The following SGIP1 variants were observed in gnomAD, a reference collection of about 807,000 sequenced individuals.
SGIP1 encodes SH3-containing GRB2-like protein 3-interacting protein 1.
In SGIP1, 38 loss-of-function variants were observed where a neutral mutation model predicts 107.5. That is an observed-to-expected ratio of 0.35 (90% CI 0.27 to 0.46). The LOEUF is 0.46. Among genes scored for constraint, SGIP1 ranks in the 20% least tolerant of loss-of-function variants. The pLI, the probability that SGIP1 is intolerant of heterozygous loss-of-function variation, is 1.00. For synonymous variants in SGIP1, 365 were observed against 366.1 expected (o/e 1.00, Z 0.03); for missense variants, 929 against 1,019.5 (o/e 0.91, Z 1.21).
chr1:66,587,685 T>C (rs2062849873), intron 1 of SGIP1, among the ~76,000 whole-genome samples: 1 of 152,126 alleles, frequency 6.6e-6, no homozygotes, highest in Non-Finnish European at 1.5e-5. Context: ...TAGTTGACAT[T>C]ACCTTAACAA....
chr1:66,710,990 G>A (rs1383146134), intron 18 of SGIP1, among the ~76,000 whole-genome samples: 2 of 152,094 alleles, frequency 1.3e-5, no homozygotes, highest in African/African-American at 4.8e-5. Context: ...ATCTTGGGTG[G>A]TGTGTAAAGC....
At chr1:66,543,245 T>C (rs1037506365) in intron 1 of SGIP1, among the ~76,000 whole-genome samples, 1 of 152,170 alleles carries the variant, frequency 6.6e-6, no homozygotes, top group African/African-American at 2.4e-5. Flanking sequence ...CCACACGTTT[T>C]ATCAAAAAGC....
chr1:66,575,383 G>C (rs947989756), intron 1 of SGIP1, among the ~76,000 whole-genome samples: 1 of 152,094 alleles, frequency 6.6e-6, no homozygotes, highest in African/African-American at 2.4e-5. Flanking sequence ...TTGGCCTTAT[G>C]TTTAGATCCA....
Position 66,750,829 on chromosome 1 carries a change from G to A in SGIP1, c.*7734G>A, listed in dbSNP as rs536557527. Among the ~76,000 whole-genome samples the A allele has an allele frequency of 3.9e-5, 6 of 152,352 alleles. No homozygotes were observed. The East Asian group carries it at 9.6e-4, about 24-fold the overall frequency. On this transcript the variant is annotated 3_prime_UTR_variant, in exon 25 of 25. Transcript: ENST00000371037. ...GCTCTCTGCTGGGCAATGGTGACAG[G>A]AAAGTGTGTAATTGACTTGTTGAAG...
chr1:66,740,997 T>C (rs1205108143), intron 23 of SGIP1, among the ~76,000 whole-genome samples: 1 of 152,220 alleles, frequency 6.6e-6, no homozygotes, highest in Non-Finnish European at 1.5e-5. Flanking sequence ...CCTGATTAGA[T>C]ATTTTTCACT....
intron 17 of SGIP1, among the ~76,000 whole-genome samples, chr1:66,691,713 G>A (rs1249194512): frequency 6.6e-6 from 1 of 152,076 alleles, no homozygotes; most frequent in Non-Finnish European, 1.5e-5. Context: ...TTCTAGATTA[G>A]TTGTTTCACC....
rs775978503 is a variant in SGIP1, at chr1:66,743,198, T to C, written c.*103T>C. On this transcript the variant is annotated 3_prime_UTR_variant, in exon 25 of 25. Transcript: ENST00000371037. Reference sequence around the variant, plus strand: ...GATGAAAACAAACCAATATCTGCACTTGGGATATATCAGGTGGAAAGTCAA... The same window carrying C: ...GATGAAAACAAACCAATATCTGCACCTGGGATATATCAGGTGGAAAGTCAA... 5.2e-4 allele frequency: 614 copies of C among 1,171,310 alleles called. 1 individual carries two copies. The highest frequency in any genetic ancestry group is 6.6e-4 in the Non-Finnish European group (526 of 798,324). The allele number at this position is 1,171,310 out of a possible 1,614,324, so 72.6% of individuals were successfully genotyped here. A position where few individuals can be genotyped will look rare whatever the true frequency, so the allele number is the denominator to read the frequency against.
intron 1 of SGIP1, among the ~76,000 whole-genome samples, chr1:66,578,220 C>T (rs971229148): frequency 6.7e-6 from 1 of 150,092 alleles, no homozygotes; most frequent in Non-Finnish European, 1.5e-5. Flanking sequence ...TTCCTGAGCC[C>T]ATCCCTGGAG....
chr1:66,624,847 T>C (rs202132590), intron 1 of SGIP1, among the ~76,000 whole-genome samples: 47 of 90,554 alleles, frequency 5.2e-4, no homozygotes, highest in African/African-American at 2.7e-3. Flanking sequence ...TCTGTAACTA[T>C]GGAACATGTG....
At chr1:66,722,597 C>T (rs769840528) in intron 19 of SGIP1, among the ~76,000 whole-genome samples, 11 of 152,032 alleles carry the variant, frequency 7.2e-5, no homozygotes, top group South Asian at 2.1e-4. Context: ...GATATATTGG[C>T]GATAAAGACA....
intron 1 of SGIP1, among the ~76,000 whole-genome samples, chr1:66,596,157 G>A (rs1351065408): frequency 1.3e-5 from 2 of 152,240 alleles, no homozygotes; most frequent in Non-Finnish European, 2.9e-5. Context: ...AAGGCAGCTG[G>A]CGTGCCCCAG....
At chr1:66,600,058 G>A (rs1447540218) in intron 1 of SGIP1, among the ~76,000 whole-genome samples, 1 of 152,058 alleles carries the variant, frequency 6.6e-6, no homozygotes, top group Admixed American at 6.5e-5. Context: ...CACTGTAATG[G>A]GTATTTAAAA....
chr1:66,550,757 A>G (rs182105837), intron 1 of SGIP1, among the ~76,000 whole-genome samples: 25 of 152,304 alleles, frequency 1.6e-4, no homozygotes, highest in Middle Eastern at 3.4e-3. Context: ...TTTCTATTAC[A>G]CAGATGAGAA....
chr1:66,707,730 G>T (rs1431634893), intron 18 of SGIP1, among the ~76,000 whole-genome samples: 2 of 152,160 alleles, frequency 1.3e-5, no homozygotes, highest in Admixed American at 1.3e-4. Context: ...GAGAGTTGAT[G>T]AGTTGTCCAG....
intron 7 of SGIP1, among the ~76,000 whole-genome samples, chr1:66,650,780 A>G (rs2078602989): frequency 6.6e-6 from 1 of 152,104 alleles, no homozygotes; most frequent in African/African-American, 2.4e-5. Context: ...TTCCTTTTAT[A>G]ATGTGCTCCC....
intron 2 of SGIP1, among the ~76,000 whole-genome samples, chr1:66,630,904 A>AAAGAAAGG (rs1553268299): frequency 1.1e-4 from 1 of 9,288 alleles, no homozygotes; most frequent in East Asian, 0.014. Flanking sequence ...AGAAAGAAAG[A>AAAGAAAGG]AGGGAGGGAG....
intron 1 of SGIP1, among the ~76,000 whole-genome samples, chr1:66,623,963 G>C (rs11208929): frequency 0.23 from 35,727 of 152,134 alleles, 4,928 homozygotes; most frequent in African/African-American, 0.38. Flanking sequence ...CACAGGGTCT[G>C]TGGAAAACTA....
At chr1:66,573,095 T>C (rs1010147371) in intron 1 of SGIP1, among the ~76,000 whole-genome samples, 3 of 152,012 alleles carry the variant, frequency 2.0e-5, no homozygotes, top group Non-Finnish European at 4.4e-5. Context: ...TGGTGTAGGG[T>C]TTCTTCGTGG....
intron 1 of SGIP1, among the ~76,000 whole-genome samples, chr1:66,585,922 C>G (rs1382182254): frequency 2.0e-5 from 3 of 152,174 alleles, no homozygotes; most frequent in East Asian, 1.9e-4. Context: ...GATTTTCTGT[C>G]TAATTGATTT....
Sources: allele counts gnomAD v4.1 joint callset (sites outside exome capture counted in the v4.1 genomes callset), GRCh38; gene constraint gnomAD v4.1.1; transcripts MANE v1.5; gene names NCBI Gene and HGNC (gene_info 2026-07-23, HGNC 2026-07-21).